The following MYCBP2 variants were observed in gnomAD, a reference collection of about 807,000 sequenced individuals.
MYCBP2 encodes MYC binding protein 2.
A neutral mutation model predicts 525.3 loss-of-function variants in MYCBP2; 120 were observed. That is an observed-to-expected ratio of 0.23 (90% CI 0.20 to 0.27). The LOEUF is 0.27. Among genes scored for constraint, MYCBP2 ranks in the 10% least tolerant of loss-of-function variants. The probability of loss-of-function intolerance (pLI) is 1.00; values close to 1 mark genes in which losing one functional copy is unlikely to be tolerated. For synonymous variants in MYCBP2, 1,894 were observed against 1,955.8 expected (o/e 0.97, Z 0.83); for missense variants, 4,149 against 5,657.1 (o/e 0.73, Z 8.55).
rs1449221445 is a variant in MYCBP2, at chr13:77,326,354, G to C, written c.302+120C>G. ...TGCCAACAGACATCCAGAGCGGACT[G>C]AAAGCTCAATAAATGCGCAGGTACA... On this transcript the variant is annotated intron_variant, in intron 1 of 82. Coordinates refer to ENST00000544440, the MANE Select transcript of MYCBP2 (RefSeq NM_015057.5). This position sits in a 1 kb window ranked among gnomAD's most constrained non-coding sequence, Gnocchi z 4.2. 9.7e-7 allele frequency: 1 copy of C among 1,027,822 alleles called. No homozygotes were observed. Among genetic ancestry groups the C allele is most frequent in the Non-Finnish European group, 1.3e-6 (1 of 742,240 alleles). The allele number at this position is 1,027,822 out of a possible 1,614,324, so 63.7% of individuals were successfully genotyped here. A position where few individuals can be genotyped will look rare whatever the true frequency, so the allele number is the denominator to read the frequency against.
rs1411867745 is a variant in MYCBP2, at chr13:77,081,872, T to C, written c.11158A>G (p.Ile3720Val). ...DDGDSEESFS[I>V]SIQSGFEAMS... ...GCTTCAAAGCCAGACTGTATACTGA[T>C]GCTAAAACTCTCTTCACTATCGCCA... is the stretch of plus-strand genomic sequence containing the variant. Residue 3720 changes from isoleucine to valine, a missense_variant, in exon 64 of 83, where the codon ATC (isoleucine) becomes GTC (valine). Coordinates refer to ENST00000544440, the MANE Select transcript of MYCBP2 (RefSeq NM_015057.5). The surrounding 1 kb of genome is among the most constrained non-coding windows in gnomAD (Gnocchi z 4.6). 11 of 1,613,712 alleles carry C rather than the reference T, an allele frequency of 6.8e-6. 1 individual carries two copies. The highest frequency in any genetic ancestry group is 9.3e-6 in the Non-Finnish European group (11 of 1,179,766).
intron 34 of MYCBP2, among the ~76,000 whole-genome samples, chr13:77,179,632 A>G (rs1388336168): frequency 1.3e-5 from 2 of 152,222 alleles, no homozygotes; most frequent in African/African-American, 4.8e-5. Flanking sequence ...TATATTATGT[A>G]TATTTTACTA....
intron 32 of MYCBP2, among the ~76,000 whole-genome samples, chr13:77,183,086 G>A (rs2060363095): frequency 6.6e-6 from 1 of 152,064 alleles, no homozygotes; most frequent in Non-Finnish European, 1.5e-5. Flanking sequence ...ATTTAACTAA[G>A]TATTTCTAAG....
chr13:77,168,304 C>T (rs2058751474), intron 40 of MYCBP2, 124 bp downstream of exon 40: 3 of 713,806 alleles, frequency 4.2e-6, no homozygotes, highest in Non-Finnish European at 6.9e-6. Context: ...CCTGCTGATT[C>T]TCTATATGTA....
At position 77,156,086 on chromosome 13, in the gene MYCBP2, C is replaced by T; in HGVS notation, c.6887G>A (p.Gly2296Glu). ...TITVQTKDQY[G>E]DVVHVPNMKV... ...CATATTGGGAACATGTACCACATCC[C>T]CATACTGGTCTTTTGTTTGAACAGT... is the stretch of plus-strand genomic sequence containing the variant. Residue 2296 changes from glycine (G) to glutamate (E), a missense_variant, in exon 46 of 83, where the codon GGG becomes GAG. Physicochemically the swap from Gly to Glu is moderately conservative, Grantham distance 98 (BLOSUM62 -2). Transcript: ENST00000544440. The T allele has an allele frequency of 1.2e-6, 2 of 1,613,660 alleles. No individual in the cohort carries two copies. The highest frequency in any genetic ancestry group is 1.3e-5 in the African/African-American group (1 of 75,036).
intron 18 of MYCBP2, among the ~76,000 whole-genome samples, chr13:77,231,811 CAT>C (rs2067173024): frequency 6.6e-6 from 1 of 152,134 alleles, no homozygotes; most frequent in Non-Finnish European, 1.5e-5. Flanking sequence ...CTAATTGTGA[CAT>C]AGTAGAAATC....
intron 60 of MYCBP2, 87 bp from the exon 61 acceptor site, chr13:77,089,118 T>A: frequency 1.0e-6 from 1 of 990,708 alleles, no homozygotes; most frequent in Non-Finnish European, 1.4e-6. Flanking sequence ...ACTTAAAGCC[T>A]TTGTCATTGG....
intron 52 of MYCBP2, among the ~76,000 whole-genome samples, chr13:77,136,854 C>T (rs1210226639): frequency 6.6e-6 from 1 of 152,194 alleles, no homozygotes; most frequent in South Asian, 2.1e-4. Context: ...AGCAAGCTCT[C>T]TAAGGTGCCC....
chr13:77,120,281 G>A (rs1397927086), intron 55 of MYCBP2, among the ~76,000 whole-genome samples: 8 of 152,136 alleles, frequency 5.3e-5, no homozygotes, highest in African/African-American at 1.7e-4. Context: ...GGTACCCGAA[G>A]TAAGCGAGCA....
chr13:77,071,344 TA>T (rs1186553456), intron 68 of MYCBP2, among the ~76,000 whole-genome samples: 1 of 149,506 alleles, frequency 6.7e-6, no homozygotes, highest in Non-Finnish European at 1.5e-5. Flanking sequence ...CCCCAGAAGG[TA>T]AATTGTAATA....
intron 42 of MYCBP2, 23 bp downstream of exon 42, chr13:77,165,250 A>G: frequency 6.5e-7 from 1 of 1,534,760 alleles, no homozygotes; most frequent in African/African-American, 1.4e-5. Context: ...CCTTAAAAGA[A>G]TGAAAAGATA....
At position 77,166,361 on chromosome 13, in the gene MYCBP2, G is replaced by A. The variant is rs540662920; in HGVS notation, c.6308C>T (p.Ser2103Phe). 6.2e-7 allele frequency: 1 copy of A among 1,613,406 alleles called. No individual in the cohort carries two copies. Among genetic ancestry groups the A allele is most frequent in the South Asian group, 1.1e-5 (1 of 90,980 alleles). ...CACCAAAACCATAGTAGGCCACCCA[G>A]AGGATCCTGAAAATTTCTTTAATTC... ...WIELKKFSGS[S>F]GWPTMVLVLP... The change falls in exon 41 of 83, where the codon TCT (serine) becomes TTT (phenylalanine). Residue 2103 changes from serine to phenylalanine, a missense_variant. Transcript: ENST00000544440.
chr13:77,087,581 A>G lies in MYCBP2; in HGVS notation c.10778T>C (p.Ile3593Thr), dbSNP rs749918506. 2 of 1,613,314 alleles carry G rather than the reference A, an allele frequency of 1.2e-6. No individual in the cohort carries two copies. Among genetic ancestry groups the G allele is most frequent in the Non-Finnish European group, 1.7e-6 (2 of 1,179,576 alleles). The stretch of plus-strand genomic sequence containing the variant: ...CAGTGATGCCACAAAATGCCACAGA[A>G]TATCATGGAGAGAAGTGGTTTGGAT... Reference protein sequence around the residue: ...NVIQTTSLHDILWHFVASLTP... With the variant: ...NVIQTTSLHDTLWHFVASLTP... The change falls in exon 62 of 83, where the codon ATT becomes ACT. Residue 3593 changes from isoleucine (I) to threonine (T), a missense_variant. By Grantham distance (89) the Ile-to-Thr change is moderately conservative. Transcript: ENST00000544440.
chr13:77,219,121 A>C (rs747838902), intron 20 of MYCBP2, among the ~76,000 whole-genome samples: 4 of 152,158 alleles, frequency 2.6e-5, no homozygotes, highest in African/African-American at 4.8e-5. Context: ...AAGAGATCCT[A>C]ATTTCCCTTA....
At position 77,233,131 on chromosome 13, in the gene MYCBP2, C is replaced by G. The variant is rs751316321; in HGVS notation, c.2737+25G>C. On this transcript the variant is annotated intron_variant, in intron 18 of 82. Coordinates refer to ENST00000544440, the MANE Select transcript of MYCBP2 (RefSeq NM_015057.5). ...GGAAGAAATTGGGAAAGTATCCCAC[C>G]TAGGTGATAAGGAAGACCAAATACC... The G allele has an allele frequency of 8.8e-6, 14 of 1,590,314 alleles. No individual in the cohort carries two copies. In the Admixed American group the frequency reaches 2.4e-4, roughly 27 times the overall value.
intron 55 of MYCBP2, among the ~76,000 whole-genome samples, chr13:77,105,330 C>G (rs897135837): frequency 3.9e-5 from 6 of 152,004 alleles, no homozygotes; most frequent in Non-Finnish European, 7.4e-5. Flanking sequence ...AAATGGCCTT[C>G]AAGTCTTTTC....
chr13:77,278,044 G>A (rs770241404), intron 4 of MYCBP2, among the ~76,000 whole-genome samples: 14 of 152,066 alleles, frequency 9.2e-5, no homozygotes, highest in African/African-American at 2.7e-4. Context: ...TAAGAAAAGC[G>A]AACACTTTAT....
chr13:77,103,491 G>T (rs1390661251), intron 55 of MYCBP2, among the ~76,000 whole-genome samples: 1 of 151,990 alleles, frequency 6.6e-6, no homozygotes, highest in Non-Finnish European at 1.5e-5. Context: ...GAAAACAAAG[G>T]TCGAATTAAT....
intron 82 of MYCBP2, among the ~76,000 whole-genome samples, chr13:77,050,541 A>C (rs2036571458): frequency 6.6e-6 from 1 of 151,530 alleles, no homozygotes; most frequent in South Asian, 2.1e-4. Context: ...CTGTATTCTG[A>C]GTGGTTTCTT....
Sources: gnomAD v4.1 joint callset for allele counts (sites outside exome capture counted in the v4.1 genomes callset) on GRCh38, gnomAD v4.1.1 for gene constraint, Gnocchi (gnomAD v3.1) non-coding constraint, MANE v1.5 for transcripts, NCBI Gene and HGNC (gene_info 2026-07-23, HGNC 2026-07-21) for gene names.